Variants in DCDC1 observed in about 807,000 individuals in gnomAD.
DCDC1 encodes the protein doublecortin domain containing 1.
Under a neutral mutation model 178.3 loss-of-function variants are expected in DCDC1, and 200 were observed. That is an observed-to-expected ratio of 1.12 (90% CI 1.00 to 1.26). The LOEUF (loss-of-function observed/expected upper bound fraction) is 1.26, where lower values mean the gene tolerates loss of function less well. Among genes scored for constraint, DCDC1 ranks in the 50% most tolerant of loss-of-function variants. The probability of loss-of-function intolerance (pLI) is 0.00; values close to 1 mark genes in which losing one functional copy is unlikely to be tolerated. For synonymous variants in DCDC1, 690 were observed against 604.8 expected (o/e 1.14, Z -2.07); for missense variants, 1,983 against 1,749.2 (o/e 1.13, Z -2.38).
chr11:30,949,568 T>TG lies in DCDC1; in HGVS notation c.2715+2876dup, dbSNP rs1948281451. On this transcript the variant is annotated intron_variant, in intron 21 of 38. Coordinates refer to ENST00000684477, the MANE Select transcript of DCDC1 (RefSeq NM_001387274.1). ...GACACATGCACATGTATGCTTATTG[T>TG]GGCACTATTCACAATAGCGAAGACT... Among the ~76,000 whole-genome samples the TG allele has an allele frequency of 4.6e-5, 7 of 152,208 alleles. No homozygotes were observed. In the South Asian group the frequency reaches 1.5e-3, roughly 32 times the overall value.
At chr11:31,092,689 C>G (rs770236911) in intron 16 of DCDC1, among the ~76,000 whole-genome samples, 12 of 152,130 alleles carry the variant, frequency 7.9e-5, no homozygotes, top group South Asian at 2.1e-4. Context: ...TCATGAAATT[C>G]TAGAAACAGA....
At chr11:31,137,224 A>C (rs770176204) in intron 10 of DCDC1, among the ~76,000 whole-genome samples, 6 of 152,154 alleles carry the variant, frequency 3.9e-5, no homozygotes, top group Non-Finnish European at 7.4e-5. Context: ...CATGCTGTCT[A>C]TATCAATAAA....
At chr11:31,004,131 A>G (rs1951715143) in intron 20 of DCDC1, among the ~76,000 whole-genome samples, 1 of 152,162 alleles carries the variant, frequency 6.6e-6, no homozygotes, top group South Asian at 2.1e-4. Context: ...TTTTTCCCAA[A>G]TTATTTCTGA....
chr11:31,346,201 G>A (rs1190812087), intron 1 of DCDC1, among the ~76,000 whole-genome samples: 1 of 152,028 alleles, frequency 6.6e-6, no homozygotes, highest in Non-Finnish European at 1.5e-5. Context: ...AAGGAAAAAT[G>A]TTACAAATGA....
chr11:30,967,100 C>G lies in DCDC1; in HGVS notation c.2592-14532G>C, dbSNP rs1193977618. ...TGGCGATGCGGGCTCTTTTTTGGTT[C>G]CATATGAACTTTAAAGTAGTTTTTT... On this transcript the variant is annotated intron_variant, in intron 20 of 38. Transcript: ENST00000684477. 4.0e-4 allele frequency among the ~76,000 whole-genome samples: 18 copies of G among 44,836 alleles called. No individual in the cohort carries two copies. The East Asian group carries it at 9.8e-3, about 24-fold the overall frequency. 29.4% of individuals were successfully genotyped at this position (44,836 alleles called of 152,430 possible). A position where few individuals can be genotyped will look rare whatever the true frequency, so the allele number is the denominator to read the frequency against.
intron 9 of DCDC1, among the ~76,000 whole-genome samples, chr11:31,203,154 A>G (rs1393643481): frequency 6.6e-6 from 1 of 152,252 alleles, no homozygotes; most frequent in East Asian, 1.9e-4. Flanking sequence ...CATGAAAGAC[A>G]GCCAAAAAAT....
intron 15 of DCDC1, among the ~76,000 whole-genome samples, chr11:31,096,104 T>G (rs1400817921): frequency 3.3e-5 from 5 of 152,186 alleles, no homozygotes; most frequent in African/African-American, 1.2e-4. Flanking sequence ...AGGATAAAAC[T>G]AATATATGTG....
At chr11:31,354,489 C>G (rs904187471) in intron 1 of DCDC1, among the ~76,000 whole-genome samples, 1 of 152,128 alleles carries the variant, frequency 6.6e-6, no homozygotes, top group Non-Finnish European at 1.5e-5. Flanking sequence ...AAAGCGATAT[C>G]CATTTTTAAA....
intron 7 of DCDC1, among the ~76,000 whole-genome samples, chr11:31,286,379 C>CAT (rs1469133119): frequency 2.0e-5 from 3 of 151,790 alleles, no homozygotes; most frequent in African/African-American, 7.3e-5. Flanking sequence ...TTATTCATAG[C>CAT]ATATATATAT....
At chr11:30,917,429 C>T (rs995723589) in intron 25 of DCDC1, among the ~76,000 whole-genome samples, 1 of 152,074 alleles carries the variant, frequency 6.6e-6, no homozygotes, top group Non-Finnish European at 1.5e-5. Context: ...CCTAGATTAC[C>T]CGGTTTTGTA....
At chr11:31,297,716 T>C (rs750649992) in intron 6 of DCDC1, among the ~76,000 whole-genome samples, 4 of 152,116 alleles carry the variant, frequency 2.6e-5, no homozygotes, top group African/African-American at 7.2e-5. Context: ...CTCTAAAAAT[T>C]CAAAAATTTT....
intron 35 of DCDC1, among the ~76,000 whole-genome samples, chr11:30,893,239 TG>T (rs1943934404): frequency 6.6e-6 from 1 of 152,220 alleles, no homozygotes; most frequent in African/African-American, 2.4e-5. Context: ...GCACTCATTT[TG>T]GCAAAGCACT....
chr11:31,280,966 T>C, intron 7 of DCDC1: 1 of 628,884 alleles, frequency 1.6e-6, no homozygotes, highest in Non-Finnish European at 3.0e-6. Context: ...AAACTCTTCT[T>C]GCCTTTCTCA....
At chr11:31,277,813 G>A (rs1164458445) in intron 7 of DCDC1, among the ~76,000 whole-genome samples, 1 of 151,990 alleles carries the variant, frequency 6.6e-6, no homozygotes, top group African/African-American at 2.4e-5. Flanking sequence ...CTCAACCAAA[G>A]TTTTTTGTTA....
intron 17 of DCDC1, among the ~76,000 whole-genome samples, chr11:31,089,764 T>C (rs530885184): frequency 6.6e-6 from 1 of 152,288 alleles, no homozygotes; most frequent in East Asian, 1.9e-4. Flanking sequence ...GTAGTTTTAA[T>C]CTCTTGAAAT....
chr11:31,142,081 C>T (rs1305904848), intron 9 of DCDC1, among the ~76,000 whole-genome samples: 3 of 152,194 alleles, frequency 2.0e-5, no homozygotes, highest in Non-Finnish European at 2.9e-5. Context: ...CCATTGCTGG[C>T]TGCCATTTAT....
At chr11:30,943,773 C>T (rs986001504) in intron 21 of DCDC1, 8 of 335,990 alleles carry the variant, frequency 2.4e-5, no homozygotes, top group South Asian at 9.6e-5. Context: ...ATATTAAATG[C>T]TGTTTGTTCA....
intron 2 of DCDC1, among the ~76,000 whole-genome samples, chr11:31,334,040 C>T (rs1205916948): frequency 6.6e-6 from 1 of 152,170 alleles, no homozygotes; most frequent in Non-Finnish European, 1.5e-5. Context: ...TTGGTCTTTT[C>T]ACATAGTCCC....
At chr11:31,070,739 T>G (rs944482222) in intron 18 of DCDC1, among the ~76,000 whole-genome samples, 1 of 152,148 alleles carries the variant, frequency 6.6e-6, no homozygotes, top group Non-Finnish European at 1.5e-5. Flanking sequence ...CCCCATCCAT[T>G]TATGAGATTT....
Sources: gnomAD v4.1 joint callset for allele counts (sites outside exome capture counted in the v4.1 genomes callset) on GRCh38, gnomAD v4.1.1 for gene constraint, MANE v1.5 for transcripts, NCBI Gene and HGNC (gene_info 2026-07-23, HGNC 2026-07-21) for gene names.